GPC5: variants seen among roughly 807,000 people sequenced by gnomAD.
GPC5 encodes glypican 5, also known as glypican-5.
GPC5 carries 47 observed loss-of-function variants against 53.9 expected under a neutral mutation model. The ratio of observed to expected loss-of-function variants is 0.87; its 90% CI spans 0.69 to 1.11. The LOEUF is 1.11. GPC5 is among the 50% of genes most tolerant of loss of function. The probability of loss-of-function intolerance (pLI) is 0.00; values close to 1 mark genes in which losing one functional copy is unlikely to be tolerated. For missense variants in GPC5, 748 were observed against 713.1 expected (o/e 1.05, Z -0.56); for synonymous variants, 286 against 263.3 (o/e 1.09, Z -0.84).
Position 92,263,098 on chromosome 13 carries a change from T to C in GPC5, c.1561+118109T>C, listed in dbSNP as rs1250248440. On this transcript the variant is annotated intron_variant, in intron 7 of 7. Coordinates refer to ENST00000377067, the MANE Select transcript of GPC5 (RefSeq NM_004466.6). ...TGGAGAAGTTCAAAGTCTCTCTTCA[T>C]TGTACAGAAAAATGAAAACTGGAAA... Among the ~76,000 whole-genome samples, 3 of 152,214 alleles carry C rather than the reference T, an allele frequency of 2.0e-5. No individual in the cohort carries two copies. The East Asian group carries it at 5.8e-4, about 29-fold the overall frequency.
rs57009886 is a variant in GPC5, at chr13:92,791,079, C to T, written c.1562-75203C>T. Among the ~76,000 whole-genome samples, 9 of 152,058 alleles carry T rather than the reference C, an allele frequency of 5.9e-5. No homozygotes were observed. In the East Asian group the frequency reaches 1.2e-3, roughly 20 times the overall value. The stretch of plus-strand genomic sequence containing the variant: ...GAAATATTTATTCTGTGAAATTCAA[C>T]AGTCAGTTAGAATAAAGACCTATTC... On this transcript the variant is annotated intron_variant, in intron 7 of 7. Coordinates refer to ENST00000377067, the MANE Select transcript of GPC5 (RefSeq NM_004466.6).
At chr13:91,706,126 A>C (rs1182365483) in intron 3 of GPC5, among the ~76,000 whole-genome samples, 1 of 149,974 alleles carries the variant, frequency 6.7e-6, no homozygotes, top group East Asian at 2.0e-4. Context: ...TGATCCGCCC[A>C]CCTTGGCCTC....
At chr13:92,105,708 G>A (rs2041504286) in intron 6 of GPC5, among the ~76,000 whole-genome samples, 1 of 151,860 alleles carries the variant, frequency 6.6e-6, no homozygotes, top group Non-Finnish European at 1.5e-5. Flanking sequence ...AAATTATATT[G>A]AAGTATAAAT....
intron 7 of GPC5, among the ~76,000 whole-genome samples, chr13:92,158,954 C>G (rs916503422): frequency 1.3e-5 from 2 of 152,156 alleles, no homozygotes; most frequent in Non-Finnish European, 2.9e-5. Context: ...TTTGACCAAA[C>G]TAAACTCTTT....
At position 92,669,361 on chromosome 13, in the gene GPC5, CCAGAGAGCATGA is replaced by C. The variant is rs563676482; in HGVS notation, c.1562-196917_1562-196906del. Among the ~76,000 whole-genome samples the C allele has an allele frequency of 4.7e-3, 716 of 152,218 alleles. 34 individuals are homozygous for C. Among genetic ancestry groups the C allele is most frequent in the Admixed American group, 0.045 (692 of 15,282 alleles). ...CCTCCTCTCTCTACTCAAAAACTAC[CCAGAGAGCATGA>C]CAGCAGCCTTGTCTTGACTTACACA... On this transcript the variant is annotated intron_variant, in intron 7 of 7. Transcript: ENST00000377067.
chr13:92,181,662 G>C (rs182648193), intron 7 of GPC5, among the ~76,000 whole-genome samples: 1 of 152,246 alleles, frequency 6.6e-6, no homozygotes, highest in African/African-American at 2.4e-5. Context: ...AACAAAGAAA[G>C]CAAAACAGAT....
intron 7 of GPC5, chr13:92,720,068 C>A (rs1888461145): frequency 6.6e-6 from 1 of 152,164 alleles, no homozygotes; most frequent in Admixed American, 6.6e-5. Context: ...ACAAGCTCCA[C>A]AGGTGTCCTG....
At chr13:92,407,726 A>G (rs1007800680) in intron 7 of GPC5, among the ~76,000 whole-genome samples, 4 of 152,190 alleles carry the variant, frequency 2.6e-5, no homozygotes, top group Non-Finnish European at 5.9e-5. Flanking sequence ...AAATTCTTTT[A>G]AAGACTTGAG....
intron 7 of GPC5, among the ~76,000 whole-genome samples, chr13:92,383,154 CATCT>C (rs1168736749): frequency 6.6e-6 from 1 of 152,148 alleles, no homozygotes; most frequent in Non-Finnish European, 1.5e-5. Flanking sequence ...ACATCCTCTT[CATCT>C]GTCATTTCAT....
At chr13:91,886,088 C>G (rs540708533) in intron 5 of GPC5, among the ~76,000 whole-genome samples, 1 of 152,090 alleles carries the variant, frequency 6.6e-6, no homozygotes, top group African/African-American at 2.4e-5. Context: ...ATACCTGGGA[C>G]TGGGTAATTT....
intron 7 of GPC5, among the ~76,000 whole-genome samples, chr13:92,578,421 G>A (rs1283242448): frequency 6.6e-6 from 1 of 152,182 alleles, no homozygotes; most frequent in African/African-American, 2.4e-5. Context: ...AGAAGGGAAA[G>A]AGAGAGAAAT....
intron 7 of GPC5, among the ~76,000 whole-genome samples, chr13:92,181,141 G>A (rs918782794): frequency 1.3e-5 from 2 of 151,834 alleles, no homozygotes; most frequent in African/African-American, 4.8e-5. Flanking sequence ...CCTGGTTGTG[G>A]GCTACTTCTC....
At chr13:91,811,030 T>G (rs1594584933) in intron 5 of GPC5, among the ~76,000 whole-genome samples, 1 of 151,870 alleles carries the variant, frequency 6.6e-6, no homozygotes, top group Admixed American at 6.6e-5. Flanking sequence ...AGGAAAATAT[T>G]GACATAACAC....
chr13:92,009,950 C>T (rs906183020), intron 6 of GPC5, among the ~76,000 whole-genome samples: 11 of 152,242 alleles, frequency 7.2e-5, no homozygotes, highest in Admixed American at 3.3e-4. Flanking sequence ...AGATACTCAT[C>T]TTGAGAAGTG....
At chr13:92,038,914 G>C (rs1185628544) in intron 6 of GPC5, among the ~76,000 whole-genome samples, 1 of 152,172 alleles carries the variant, frequency 6.6e-6, no homozygotes, top group Non-Finnish European at 1.5e-5. Context: ...ATCTAAGGAG[G>C]TGGCAGAAAA....
intron 2 of GPC5, among the ~76,000 whole-genome samples, chr13:91,457,559 T>A (rs935767741): frequency 3.9e-5 from 6 of 152,144 alleles, no homozygotes; most frequent in African/African-American, 1.4e-4. Flanking sequence ...AATAGCCATG[T>A]GCATAGGGAC....
chr13:91,954,245 G>A (rs1457285870), intron 6 of GPC5, among the ~76,000 whole-genome samples: 4 of 152,012 alleles, frequency 2.6e-5, no homozygotes, highest in South Asian at 4.1e-4. Flanking sequence ...TATAAAGCCA[G>A]CATATAATTT....
Position 92,227,216 on chromosome 13 carries a change from T to C in GPC5, c.1561+82227T>C, listed in dbSNP as rs181170793. On this transcript the variant is annotated intron_variant, in intron 7 of 7. Transcript: ENST00000377067. ...GTAAATCTACCACTTGGTAGAGTGA[T>C]TTAATGTCTACAGATTGAACATTGC... Among the ~76,000 whole-genome samples, 15 of 152,308 alleles carry C rather than the reference T, an allele frequency of 9.8e-5. No homozygotes were observed. In the East Asian group the frequency reaches 2.7e-3, roughly 27 times the overall value.
chr13:92,085,775 G>T (rs2041330934), intron 6 of GPC5, among the ~76,000 whole-genome samples: 1 of 152,138 alleles, frequency 6.6e-6, no homozygotes, highest in Non-Finnish European at 1.5e-5. Context: ...ACACAACCTA[G>T]ATCCCTCGCA....
Sources: gnomAD v4.1 joint callset for allele counts (sites outside exome capture counted in the v4.1 genomes callset) on GRCh38, gnomAD v4.1.1 for gene constraint, MANE v1.5 for transcripts, NCBI Gene and HGNC (gene_info 2026-07-23, HGNC 2026-07-21) for gene names.